The following OGDH variants were observed in gnomAD, a reference collection of about 807,000 sequenced individuals.
OGDH encodes 2-oxoglutarate dehydrogenase complex component E1.
Under a neutral mutation model 116.6 loss-of-function variants are expected in OGDH, and 38 were observed. The observed-to-expected ratio is 0.33, with a 90% CI of 0.25 to 0.43. The LOEUF is 0.43. Ranked by LOEUF, OGDH falls within the 20% of genes least tolerant of loss-of-function variation. The pLI, the probability that OGDH is intolerant of heterozygous loss-of-function variation, is 1.00. For synonymous variants in OGDH, 488 were observed against 533.3 expected (o/e 0.92, Z 1.17); for missense variants, 825 against 1,357.2 (o/e 0.61, Z 6.16).
chr7:44,656,419 A>T (rs770708254), intron 4 of OGDH: 17 of 1,468,690 alleles, frequency 1.2e-5, no homozygotes, highest in Non-Finnish European at 1.6e-5. Context: ...TTTGAATAGG[A>T]TGTGCAACTT....
chr7:44,696,039 G>A lies in OGDH; in HGVS notation c.1683G>A (p.Lys561=). The A allele has an allele frequency of 6.2e-7, 1 of 1,609,470 alleles. No homozygotes were observed. Among genetic ancestry groups the A allele is most frequent in the South Asian group, 1.1e-5 (1 of 90,974 alleles). The part of the protein sequence containing the change: ...NQPEYEEEIS[K]YDKICEEAFA... ...CAACCCTCCAGGAGGAAATTTCCAA[G>A]TATGATAAGATCTGTGAGGAAGCTT... Residue 561 remains lysine (K), a synonymous_variant, in exon 13 of 23, where the codon AAG becomes AAA. Transcript: ENST00000222673.
chr7:44,694,305 C>A lies in OGDH; in HGVS notation c.1516-119C>A. 1.6e-6 allele frequency: 2 copies of A among 1,233,536 alleles called. No individual in the cohort carries two copies. The highest frequency in any genetic ancestry group is 2.2e-6 in the Non-Finnish European group (2 of 890,812). The allele number at this position is 1,233,536 out of a possible 1,614,324, so 76.4% of individuals were successfully genotyped here. ...ATTCTAGAGAAGGTAAACTCCAGGG[C>A]AGGCATGAGGAATGAAGAACGTGGC... On this transcript the variant is annotated intron_variant, in intron 11 of 22. Transcript: ENST00000222673. The surrounding 1 kb of genome is among the most constrained non-coding windows in gnomAD (Gnocchi z 4.2).
At chr7:44,696,626 G>A (rs1788592744) in intron 14 of OGDH, 69 bp downstream of exon 14, 3 of 1,589,320 alleles carry the variant, frequency 1.9e-6, no homozygotes, top group South Asian at 1.1e-5. Context: ...GTCTAGGACT[G>A]TGACCTTGGC....
At chr7:44,692,957 G>A (rs911146751) in intron 10 of OGDH, among the ~76,000 whole-genome samples, 1 of 150,636 alleles carries the variant, frequency 6.6e-6, no homozygotes, top group East Asian at 1.9e-4. Flanking sequence ...GGTGAGCTAC[G>A]ATTGCACCAC....
At chr7:44,690,854 G>C (rs1483383119) in intron 10 of OGDH, among the ~76,000 whole-genome samples, 1 of 152,192 alleles carries the variant, frequency 6.6e-6, no homozygotes, top group African/African-American at 2.4e-5. Context: ...ACATGCTGAA[G>C]CCCAAGATGG....
intron 2 of OGDH, among the ~76,000 whole-genome samples, chr7:44,634,302 C>T (rs1387580008): frequency 6.6e-6 from 1 of 152,228 alleles, no homozygotes; most frequent in African/African-American, 2.4e-5. Flanking sequence ...ACGCCATTAC[C>T]TTGGTTAGAG....
chr7:44,610,673 G>C (rs992091552), intron 1 of OGDH, among the ~76,000 whole-genome samples: 58 of 151,828 alleles, frequency 3.8e-4, no homozygotes, highest in African/African-American at 1.2e-3. Context: ...GAGTGCAGTG[G>C]TGCAATCTTG....
intron 1 of OGDH, among the ~76,000 whole-genome samples, chr7:44,607,735 CTG>C (rs1289954420): frequency 2.0e-5 from 3 of 152,170 alleles, no homozygotes; most frequent in African/African-American, 7.2e-5. Context: ...GATGGAGTCT[CTG>C]TCGCCCAGGC....
At chr7:44,679,861 C>T (rs1270057148) in intron 9 of OGDH, among the ~76,000 whole-genome samples, 2 of 152,170 alleles carry the variant, frequency 1.3e-5, no homozygotes, top group Admixed American at 6.5e-5. Flanking sequence ...CTGTGGGTCT[C>T]CAGCCTGCCA....
chr7:44,608,342 A>G (rs1488804114), intron 1 of OGDH, among the ~76,000 whole-genome samples: 1 of 152,108 alleles, frequency 6.6e-6, no homozygotes, highest in African/African-American at 2.4e-5. Context: ...AGGGAGGTCC[A>G]AGCTGCAGTG....
chr7:44,650,971 G>C (rs998973558), intron 4 of OGDH, among the ~76,000 whole-genome samples: 11 of 152,222 alleles, frequency 7.2e-5, no homozygotes, highest in Admixed American at 7.2e-4. Flanking sequence ...TCTCCTTGGG[G>C]AAACAGGCTC....
At chr7:44,706,369 T>G (rs1789070142) in intron 20 of OGDH, among the ~76,000 whole-genome samples, 1 of 151,714 alleles carries the variant, frequency 6.6e-6, no homozygotes, top group Non-Finnish European at 1.5e-5. Flanking sequence ...TTGCCCAGGC[T>G]GGAGTGCAAT....
intron 14 of OGDH, 64 bp downstream of exon 14, chr7:44,696,621 G>C: frequency 1.3e-6 from 2 of 1,597,788 alleles, no homozygotes; most frequent in Non-Finnish European, 1.7e-6. Flanking sequence ...CGACTGTCTA[G>C]GACTGTGACC....
intron 10 of OGDH, among the ~76,000 whole-genome samples, chr7:44,689,132 C>A (rs1788259677): frequency 6.7e-6 from 1 of 149,580 alleles, no homozygotes; most frequent in Non-Finnish European, 1.5e-5. Context: ...CTGTGTTCAA[C>A]TTTTTGTGGA....
chr7:44,623,385 T>G (rs908295764), intron 1 of OGDH, among the ~76,000 whole-genome samples: 4 of 152,230 alleles, frequency 2.6e-5, no homozygotes, highest in African/African-American at 9.6e-5. Flanking sequence ...GTTTTTCCTC[T>G]GCTCAAGGGT....
At chr7:44,630,583 G>A (rs1036354034) in intron 2 of OGDH, among the ~76,000 whole-genome samples, 1 of 152,138 alleles carries the variant, frequency 6.6e-6, no homozygotes, top group East Asian at 1.9e-4. Context: ...TATCTGTGGG[G>A]GATTGGTTCC....
chr7:44,668,036 T>C (rs1282948227), intron 5 of OGDH, among the ~76,000 whole-genome samples: 2 of 152,140 alleles, frequency 1.3e-5, no homozygotes, highest in African/African-American at 2.4e-5. Context: ...GTCCCCTAAA[T>C]CAGAAGCCCT....
Position 44,701,628 on chromosome 7 carries a change from G to A in OGDH, c.2632+13G>A. On this transcript the variant is annotated intron_variant, in intron 20 of 22. Transcript: ENST00000222673. Reference sequence around the variant, plus strand: ...GAGATGCTTCCAGGTGGGTGTGAGGGAGATGGGCATTTCCTTGGGGGAAGC... The same window carrying A: ...GAGATGCTTCCAGGTGGGTGTGAGGAAGATGGGCATTTCCTTGGGGGAAGC... 1 of 1,613,358 alleles carries A rather than the reference G, an allele frequency of 6.2e-7. No homozygotes were observed. Among genetic ancestry groups the A allele is most frequent in the Non-Finnish European group, 8.5e-7 (1 of 1,179,288 alleles).
At chr7:44,641,470 C>G (rs1182198277) in intron 2 of OGDH, among the ~76,000 whole-genome samples, 3 of 152,090 alleles carry the variant, frequency 2.0e-5, no homozygotes, top group Non-Finnish European at 4.4e-5. Context: ...AGGTGACCCA[C>G]CCACCTTGGC....
Sources: gnomAD v4.1 joint callset for allele counts (sites outside exome capture counted in the v4.1 genomes callset) on GRCh38, gnomAD v4.1.1 for gene constraint, Gnocchi (gnomAD v3.1) non-coding constraint, MANE v1.5 for transcripts, NCBI Gene and HGNC (gene_info 2026-07-23, HGNC 2026-07-21) for gene names.